The following ITPR2 variants were observed in gnomAD, a reference collection of about 807,000 sequenced individuals.
ITPR2 encodes inositol 1,4,5-trisphosphate receptor type 2.
In ITPR2, 207 loss-of-function variants were observed where a neutral mutation model predicts 317.1. That is an observed-to-expected ratio of 0.65 (90% CI 0.58 to 0.73). ITPR2 has a LOEUF of 0.73. Ranked by LOEUF, ITPR2 falls within the 30% of genes least tolerant of loss-of-function variation. ITPR2 has a pLI of 0.00. For synonymous variants in ITPR2, 1,156 were observed against 1,149.1 expected, an observed-to-expected ratio of 1.01 and a Z score of -0.12; for missense variants, 2,613 against 3,284.0, an observed-to-expected ratio of 0.80 and a Z score of 4.99.
At chr12:26,698,240 T>C (rs922225259) in intron 9 of ITPR2, among the ~76,000 whole-genome samples, 1 of 152,086 alleles carries the variant, frequency 6.6e-6, no homozygotes, top group African/African-American at 2.4e-5. Context: ...TTGAAGATGA[T>C]AAGGGGAAAA....
At chr12:26,709,828 G>A (rs1010453507) in intron 9 of ITPR2, among the ~76,000 whole-genome samples, 1 of 152,058 alleles carries the variant, frequency 6.6e-6, no homozygotes, top group Non-Finnish European at 1.5e-5. Context: ...TTTCAAAAGG[G>A]TTACTTTAAA....
intron 55 of ITPR2, among the ~76,000 whole-genome samples, chr12:26,365,138 T>C (rs1396109262): frequency 1.3e-5 from 2 of 152,218 alleles, no homozygotes; most frequent in Non-Finnish European, 2.9e-5. Flanking sequence ...TTTTAGGGTT[T>C]ACTAGCAAGG....
At chr12:26,507,857 C>CTGTGTGTGTGTGTGTG (rs369130996) in intron 37 of ITPR2, among the ~76,000 whole-genome samples, 79 of 88,320 alleles carry the variant, frequency 8.9e-4, no homozygotes, top group African/African-American at 2.6e-3. Flanking sequence ...TCTTCTCTCT[C>CTGTGTGTGTGTGTGTG]TGTCTCTGTG....
At chr12:26,593,717 A>G (rs1159266689) in intron 32 of ITPR2, among the ~76,000 whole-genome samples, 2 of 137,976 alleles carry the variant, frequency 1.4e-5, no homozygotes, top group Non-Finnish European at 3.1e-5. Flanking sequence ...AGCAATAGTT[A>G]AAATCATTGC....
intron 45 of ITPR2, among the ~76,000 whole-genome samples, chr12:26,474,789 G>A (rs756587521): frequency 0.017 from 1,101 of 66,274 alleles, 13 homozygotes; most frequent in Middle Eastern, 0.088. Context: ...GCGAGACTCC[G>A]TCTCAAAAAA....
At chr12:26,734,997 T>TTC (rs1555184059) in intron 2 of ITPR2, among the ~76,000 whole-genome samples, 1 of 24,698 alleles carries the variant, frequency 4.0e-5, no homozygotes, top group East Asian at 2.8e-3. Flanking sequence ...CAAGCCAGTC[T>TTC]TTTTTTTTTT....
At chr12:26,688,426 G>A (rs373426153) in intron 10 of ITPR2, among the ~76,000 whole-genome samples, 2 of 151,736 alleles carry the variant, frequency 1.3e-5, no homozygotes, top group South Asian at 4.1e-4. Flanking sequence ...AAAAATTTAA[G>A]AGAGAGAAAG....
intron 10 of ITPR2, among the ~76,000 whole-genome samples, chr12:26,687,453 A>G (rs921438224): frequency 6.6e-6 from 1 of 152,214 alleles, no homozygotes; most frequent in Admixed American, 6.5e-5. Context: ...AAACACTGTC[A>G]CTGCACTATC....
intron 55 of ITPR2, among the ~76,000 whole-genome samples, chr12:26,373,122 G>T (rs1451106158): frequency 6.6e-6 from 1 of 152,200 alleles, no homozygotes; most frequent in African/African-American, 2.4e-5. Context: ...AATGGAAATA[G>T]TCAAATCTGG....
chr12:26,584,542 A>G (rs1188394829), intron 32 of ITPR2, among the ~76,000 whole-genome samples: 1 of 152,162 alleles, frequency 6.6e-6, no homozygotes, highest in African/African-American at 2.4e-5. Flanking sequence ...TACCCTTCCA[A>G]GGATGATCGT....
chr12:26,454,040 A>G (rs1047903511), intron 45 of ITPR2, among the ~76,000 whole-genome samples: 1 of 152,064 alleles, frequency 6.6e-6, no homozygotes, highest in Non-Finnish European at 1.5e-5. Flanking sequence ...GGATGGATGG[A>G]TGGACGGATG....
chr12:26,369,538 A>C (rs1301624299), intron 55 of ITPR2, among the ~76,000 whole-genome samples: 1 of 152,244 alleles, frequency 6.6e-6, no homozygotes, highest in Non-Finnish European at 1.5e-5. Context: ...TTCAGTTAAG[A>C]TTTAAAATTT....
chr12:26,649,090 T>C (rs1317472780), intron 21 of ITPR2: 2 of 152,158 alleles, frequency 1.3e-5, no homozygotes, highest in Admixed American at 6.6e-5. Context: ...TAAAAAACTT[T>C]CAAATTTATA....
At chr12:26,556,564 T>TGTGTGTGTGTG (rs558329274) in intron 35 of ITPR2, among the ~76,000 whole-genome samples, 189 bp from the exon 36 acceptor site, 71 of 111,686 alleles carry the variant, frequency 6.4e-4, no homozygotes, top group Admixed American at 1.3e-3. Flanking sequence ...CTATTTTTTT[T>TGTGTGTGTGTG]TTTGTGTGTG....
chr12:26,792,385 T>C (rs1950356965), intron 1 of ITPR2, among the ~76,000 whole-genome samples: 2 of 151,460 alleles, frequency 1.3e-5, no homozygotes, highest in Non-Finnish European at 2.9e-5. Context: ...TTAATGGTAA[T>C]TGGAATCCTG....
chr12:26,394,767 C>T (rs777695715), intron 54 of ITPR2, among the ~76,000 whole-genome samples: 7 of 151,896 alleles, frequency 4.6e-5, no homozygotes, highest in Non-Finnish European at 8.8e-5. Context: ...GTTGTGAGCC[C>T]GGGTTAGCCT....
chr12:26,435,735 A>G (rs887612181), intron 48 of ITPR2, among the ~76,000 whole-genome samples: 7 of 152,206 alleles, frequency 4.6e-5, no homozygotes, highest in Non-Finnish European at 7.3e-5. Flanking sequence ...TTGAAACCTC[A>G]GATGATAAAC....
intron 34 of ITPR2, among the ~76,000 whole-genome samples, chr12:26,577,704 A>T (rs1249701722): frequency 1.3e-5 from 2 of 152,194 alleles, no homozygotes; most frequent in Non-Finnish European, 2.9e-5. Context: ...TATTCAAATC[A>T]AAATCAGGGC....
chr12:26,366,886 C>G (rs1170741673), intron 55 of ITPR2, among the ~76,000 whole-genome samples: 1 of 152,130 alleles, frequency 6.6e-6, no homozygotes. Context: ...AGAGCATGAG[C>G]TGATTACTTG....
Sources: gnomAD v4.1 joint callset for allele counts (sites outside exome capture counted in the v4.1 genomes callset) on GRCh38, gnomAD v4.1.1 for gene constraint, MANE v1.5 for transcripts, NCBI Gene and HGNC (gene_info 2026-07-23, HGNC 2026-07-21) for gene names.